HIVEP3: variants seen among roughly 807,000 people sequenced by gnomAD.
HIVEP3 encodes the protein HIVEP zinc finger 3, also known as transcription factor HIVEP3.
A neutral mutation model predicts 152.8 loss-of-function variants in HIVEP3; 49 were observed. That is an observed-to-expected ratio of 0.32 (90% CI 0.26 to 0.41). HIVEP3 has a LOEUF of 0.41. HIVEP3 is among the 10% of genes least tolerant of loss of function. The pLI is 1.00. For synonymous variants in HIVEP3, 1,269 were observed against 1,289.0 expected, an observed-to-expected ratio of 0.98 and a Z score of 0.33; for missense variants, 2,790 against 3,103.3, an observed-to-expected ratio of 0.90 and a Z score of 2.40.
Position 41,508,980 on chromosome 1 carries a change from G to C in HIVEP3, c.*1471C>G, listed in dbSNP as rs1405238030. On this transcript the variant is annotated 3_prime_UTR_variant, in exon 9 of 9. Transcript: ENST00000372583. ...TCCCAGTTGGGGCGAACACGCTAGA[G>C]TTCAAGTTCCATAGTTCAATTTGGG... 6.6e-6 allele frequency: 1 copy of C among 152,256 alleles called. No individual in the cohort carries two copies. Among genetic ancestry groups the C allele is most frequent in the East Asian group, 1.9e-4 (1 of 5,200 alleles). The allele number at this position is 152,256 out of a possible 1,614,324, so 9.4% of individuals were successfully genotyped here. A position where few individuals can be genotyped will look rare whatever the true frequency, so the allele number is the denominator to read the frequency against.
chr1:41,524,982 C>T (rs1241591969), intron 5 of HIVEP3, 72 bp from the exon 6 acceptor site: 7 of 1,377,944 alleles, frequency 5.1e-6, no homozygotes, highest in African/African-American at 1.4e-5. Context: ...AGAAGACGCA[C>T]GCGCTTCCTA....
At chr1:41,995,884 A>T (rs1021638686) in intron 1 of HIVEP3, among the ~76,000 whole-genome samples, 1 of 152,196 alleles carries the variant, frequency 6.6e-6, no homozygotes, top group African/African-American at 2.4e-5. Context: ...CCTCCAGCAG[A>T]GGCCAAACCA....
chr1:42,002,930 T>C (rs115337090), intron 1 of HIVEP3, among the ~76,000 whole-genome samples: 3,145 of 152,282 alleles, frequency 0.021, 65 homozygotes, highest in Non-Finnish European at 0.025. Flanking sequence ...AAGAAATACA[T>C]TTATTCAAAT....
At chr1:41,626,456 C>G (rs1276578548) in intron 3 of HIVEP3, among the ~76,000 whole-genome samples, 2 of 152,230 alleles carry the variant, frequency 1.3e-5, no homozygotes. Flanking sequence ...TTCCAAGCAG[C>G]TGGCTGAGCC....
At chr1:42,020,692 G>A (rs972031191) in intron 1 of HIVEP3, among the ~76,000 whole-genome samples, 1 of 152,124 alleles carries the variant, frequency 6.6e-6, no homozygotes, top group Non-Finnish European at 1.5e-5. Flanking sequence ...TTATTCCAAT[G>A]TTAGGAATAT....
At chr1:41,585,741 G>A (rs555238141) in intron 3 of HIVEP3, among the ~76,000 whole-genome samples, 3 of 152,120 alleles carry the variant, frequency 2.0e-5, no homozygotes, top group Middle Eastern at 3.2e-3. Context: ...ATCCTGCCTC[G>A]ACTGTGCCTC....
intron 5 of HIVEP3, among the ~76,000 whole-genome samples, chr1:41,567,268 A>G (rs1193086003): frequency 2.0e-5 from 3 of 152,064 alleles, no homozygotes; most frequent in African/African-American, 7.2e-5. Flanking sequence ...TCCTCTTTCC[A>G]TCTTCACTGC....
rs1445810696 is a variant in HIVEP3, at chr1:41,510,958, G to A, written c.6714C>T (p.Ala2238=). Residue 2238 remains alanine (A), a synonymous_variant, in exon 9 of 9, where the codon GCC becomes GCT. Coordinates refer to ENST00000372583, the MANE Select transcript of HIVEP3 (RefSeq NM_024503.5). ...TGGGACTCCAGCGGCCTCGCTCCTGGGCCTCCCGGGCCCCTGTCAGGTCGC... is the reference window on the plus strand; with the variant it reads ...TGGGACTCCAGCGGCCTCGCTCCTGAGCCTCCCGGGCCCCTGTCAGGTCGC... ...GGSDLTGARE[A]QERGRWSPTE... is the part of the protein sequence containing the mutation. 8 of 1,613,470 alleles carry A rather than the reference G, an allele frequency of 5.0e-6. No individual in the cohort carries two copies. The highest frequency in any genetic ancestry group is 5.9e-6 in the Non-Finnish European group (7 of 1,179,878).
At position 41,873,234 on chromosome 1, in the gene HIVEP3, G is replaced by A. The variant is rs140935686; in HGVS notation, c.-801+45179C>T. On this transcript the variant is annotated intron_variant, in intron 1 of 8. Coordinates refer to ENST00000372583, the MANE Select transcript of HIVEP3 (RefSeq NM_024503.5). This position sits in a 1 kb window ranked among gnomAD's most constrained non-coding sequence, Gnocchi z 4.2. The stretch of plus-strand genomic sequence containing the variant: ...CCTTCAGTGGACGTGCAGCCCCTTC[G>A]GTGCTCCTCTCTTCATCTGCCTTCA... Among the ~76,000 whole-genome samples, 31 of 152,228 alleles carry A rather than the reference G, an allele frequency of 2.0e-4. No individual in the cohort carries two copies. The highest frequency in any genetic ancestry group is 4.4e-4 in the Non-Finnish European group (30 of 68,014).
intron 5 of HIVEP3, among the ~76,000 whole-genome samples, chr1:41,525,531 G>A (rs1333562384): frequency 2.0e-5 from 3 of 152,174 alleles, no homozygotes; most frequent in African/African-American, 4.8e-5. Flanking sequence ...ATATTCATGG[G>A]AGGAGAAGGA....
At chr1:42,004,536 G>A (rs547170552) in intron 1 of HIVEP3, among the ~76,000 whole-genome samples, 1 of 152,242 alleles carries the variant, frequency 6.6e-6, no homozygotes, top group African/African-American at 2.4e-5. Flanking sequence ...TTGCTTGGAA[G>A]GCAAAGGGTC....
At chr1:41,836,288 G>A (rs559733572) in intron 1 of HIVEP3, among the ~76,000 whole-genome samples, 2 of 152,314 alleles carry the variant, frequency 1.3e-5, no homozygotes, top group Non-Finnish European at 2.9e-5. Flanking sequence ...TGAGCAGCTG[G>A]GAGTGTGAGA....
chr1:41,727,545 A>G (rs1646774163), intron 1 of HIVEP3, among the ~76,000 whole-genome samples: 1 of 152,260 alleles, frequency 6.6e-6, no homozygotes, highest in Non-Finnish European at 1.5e-5. Flanking sequence ...GCAGAAACTA[A>G]AACAAGTGAC....
chr1:41,946,453 T>C (rs1645075663), intron 1 of HIVEP3, among the ~76,000 whole-genome samples: 1 of 152,234 alleles, frequency 6.6e-6, no homozygotes, highest in Admixed American at 6.5e-5. Context: ...CCTCCAGATC[T>C]GTCACTATCC....
At chr1:41,924,963 T>C (rs992375953) in intron 1 of HIVEP3, among the ~76,000 whole-genome samples, 1 of 152,174 alleles carries the variant, frequency 6.6e-6, no homozygotes, top group Non-Finnish European at 1.5e-5. Context: ...CTGGAGTCCC[T>C]TCCCTAACTT....
intron 1 of HIVEP3, among the ~76,000 whole-genome samples, chr1:41,861,994 G>A (rs895481392): frequency 6.6e-6 from 1 of 152,116 alleles, no homozygotes; most frequent in African/African-American, 2.4e-5. Flanking sequence ...AATTTGGCCG[G>A]GGGGCGGATG....
chr1:41,672,335 A>G (rs915962155), intron 2 of HIVEP3, among the ~76,000 whole-genome samples: 1 of 152,130 alleles, frequency 6.6e-6, no homozygotes, highest in Non-Finnish European at 1.5e-5. Flanking sequence ...CACCCTTCTG[A>G]CCGCTGCAGC....
chr1:41,759,726 G>A (rs1214705192), intron 1 of HIVEP3, among the ~76,000 whole-genome samples: 3 of 152,204 alleles, frequency 2.0e-5, no homozygotes, highest in Non-Finnish European at 4.4e-5. Context: ...CTGTAGCAGA[G>A]TCTTAGGGTT....
At chr1:41,698,720 T>C (rs926354075) in intron 2 of HIVEP3, among the ~76,000 whole-genome samples, 4 of 152,166 alleles carry the variant, frequency 2.6e-5, no homozygotes, top group African/African-American at 9.7e-5. Flanking sequence ...AGAACTCCCA[T>C]GGATCCTTCG....
Sources: allele counts gnomAD v4.1 joint callset (sites outside exome capture counted in the v4.1 genomes callset), GRCh38; gene constraint gnomAD v4.1.1; non-coding constraint Gnocchi (gnomAD v3.1); transcripts MANE v1.5; gene names NCBI Gene and HGNC (gene_info 2026-07-23, HGNC 2026-07-21).